CSN2: variants seen among roughly 807,000 people sequenced by gnomAD.
CSN2 encodes the protein beta-casein.
Under a neutral mutation model 27.3 loss-of-function variants are expected in CSN2, and 27 were observed. That is an observed-to-expected ratio of 0.99 (90% CI 0.73 to 1.36). The LOEUF (loss-of-function observed/expected upper bound fraction) is 1.36, where lower values mean the gene tolerates loss of function less well. CSN2 is among the 40% of genes most tolerant of loss of function. The probability of loss-of-function intolerance (pLI) is 0.00; values close to 1 mark genes in which losing one functional copy is unlikely to be tolerated. For synonymous variants in CSN2, 131 were observed against 94.8 expected (o/e 1.38, Z -2.22); for missense variants, 333 against 264.5 (o/e 1.26, Z -1.80).
At chr4:69,957,829 T>C in intron 5 of CSN2, 25 bp from the exon 6 acceptor site, 1 of 1,590,698 alleles carries the variant, frequency 6.3e-7, no homozygotes, top group Non-Finnish European at 8.6e-7. Context: ...AAAGAATCTT[T>C]GAGTCCTTGA....
chr4:69,963,579 G>A (rs1365531362), intron 1 of CSN2, among the ~76,000 whole-genome samples: 1 of 151,750 alleles, frequency 6.6e-6, no homozygotes, highest in East Asian at 1.9e-4. Context: ...ACACACCGGG[G>A]CTGTTGTGGG....
chr4:69,956,029 G>A (rs887744107), intron 7 of CSN2, among the ~76,000 whole-genome samples: 4 of 152,010 alleles, frequency 2.6e-5, no homozygotes, highest in African/African-American at 9.7e-5. Context: ...TATATATTCT[G>A]TCTTTCCTAA....
intron 1 of CSN2, among the ~76,000 whole-genome samples, chr4:69,963,031 A>G (rs1723659294): frequency 6.6e-6 from 1 of 152,148 alleles, no homozygotes; most frequent in Non-Finnish European, 1.5e-5. Context: ...CAAAACCACA[A>G]TGAGATACCA....
At chr4:69,958,779 A>T in intron 5 of CSN2, 130 bp downstream of exon 5, 1 of 565,476 alleles carries the variant, frequency 1.8e-6, no homozygotes, top group Non-Finnish European at 3.0e-6. Context: ...TTTAATTTTT[A>T]AAGTGGTTGG....
In CSN2 at chr4:69,957,696, C is replaced by G. The variant is rs781592610; in HGVS notation, c.253G>C (p.Ala85Pro). The G allele has an allele frequency of 4.3e-6, 7 of 1,613,766 alleles. No individual in the cohort carries two copies. In the African/African-American group the frequency reaches 9.4e-5, roughly 22 times the overall value. Residue 85 changes from alanine to proline, a missense_variant, in exon 6 of 8, where the codon GCT (alanine) becomes CCT (proline). Coordinates refer to ENST00000353151, the MANE Select transcript of CSN2 (RefSeq NM_001891.4). Reference sequence around the variant, plus strand: ...ACAGGCAGCACCACAGCAGGCTGAGCAAGAGGCAGAATGTTTTGTGGAAGA... The same window carrying G: ...ACAGGCAGCACCACAGCAGGCTGAGGAAGAGGCAGAATGTTTTGTGGAAGA... ...GFLPQNILPL[A>P]QPAVVLPVPQ...
chr4:69,960,848 T>C, intron 2 of CSN2, 97 bp downstream of exon 2: 1 of 956,242 alleles, frequency 1.0e-6, no homozygotes, highest in East Asian at 2.5e-5. Context: ...TTCTTCATTA[T>C]TTATACAGTA....
chr4:69,963,548 G>A (rs185507695), intron 1 of CSN2, among the ~76,000 whole-genome samples: 4 of 151,892 alleles, frequency 2.6e-5, no homozygotes, highest in East Asian at 1.9e-4. Flanking sequence ...GGGAACACAC[G>A]GACACAGGAA....
intron 5 of CSN2, among the ~76,000 whole-genome samples, chr4:69,958,640 C>G (rs1457160291): frequency 6.6e-6 from 1 of 152,092 alleles, no homozygotes; most frequent in South Asian, 2.1e-4. Flanking sequence ...AATGTTCCCA[C>G]CAATGTGTAC....
At chr4:69,958,323 T>C (rs1376860709) in intron 5 of CSN2, among the ~76,000 whole-genome samples, 1 of 152,168 alleles carries the variant, frequency 6.6e-6, no homozygotes, top group Non-Finnish European at 1.5e-5. Flanking sequence ...ATTCTTACAT[T>C]CCTTCCCTTG....
Position 69,957,493 on chromosome 4 carries a change from C to T in CSN2, c.456G>A (p.Gln152=), listed in dbSNP as rs757920475. 2 of 1,613,826 alleles carry T rather than the reference C, an allele frequency of 1.2e-6. No homozygotes were observed. The highest frequency in any genetic ancestry group is 1.7e-5 in the Admixed American group (1 of 59,912). Residue 152 remains glutamine, a synonymous_variant, in exon 6 of 8, where the codon CAG becomes CAA. Coordinates refer to ENST00000353151, the MANE Select transcript of CSN2 (RefSeq NM_001891.4). ...PLPLLQPLMQ[Q]VPQPIPQTLA... ...GAGTCTGAGGAATAGGCTGAGGGACCTGCTGCATCAAGGGCTGGAGCAGAG... is the reference window on the plus strand; with the variant it reads ...GAGTCTGAGGAATAGGCTGAGGGACTTGCTGCATCAAGGGCTGGAGCAGAG...
At chr4:69,964,769 T>C (rs1191183234) in intron 1 of CSN2, among the ~76,000 whole-genome samples, 4 of 149,646 alleles carry the variant, frequency 2.7e-5, no homozygotes, top group African/African-American at 7.3e-5. Context: ...CTAATATATA[T>C]AATAATTTTA....
chr4:69,958,849 T>A, intron 5 of CSN2, 60 bp downstream of exon 5: 1 of 1,045,080 alleles, frequency 9.6e-7, no homozygotes, highest in Non-Finnish European at 1.4e-6. Context: ...ATTATAAATA[T>A]TTTTGTATGT....
chr4:69,959,876 G>A (rs1048032743), intron 3 of CSN2, among the ~76,000 whole-genome samples, 177 bp downstream of exon 3: 2 of 151,572 alleles, frequency 1.3e-5, no homozygotes, highest in African/African-American at 4.8e-5. Flanking sequence ...AATTTACAAA[G>A]TTCTAGAATG....
At chr4:69,959,143 A>G (rs935421698) in intron 3 of CSN2, 74 bp from the exon 4 acceptor site, 1 of 1,077,960 alleles carries the variant, frequency 9.3e-7, no homozygotes, top group Non-Finnish European at 1.3e-6. Context: ...CAGGAAATAA[A>G]GGCATTAATT....
chr4:69,956,392 CT>C, intron 6 of CSN2, 37 bp from the exon 7 acceptor site: 2 of 1,330,004 alleles, frequency 1.5e-6, no homozygotes, highest in Non-Finnish European at 2.0e-6. Flanking sequence ...TAAATAACCT[CT>C]TAGTAAGAAA....
intron 2 of CSN2, 73 bp downstream of exon 2, chr4:69,960,872 A>C: frequency 8.7e-7 from 1 of 1,151,488 alleles, no homozygotes; most frequent in South Asian, 1.3e-5. Flanking sequence ...AATGTTGGTG[A>C]TGTTATTCTC....
chr4:69,962,662 G>A (rs1723637091), intron 1 of CSN2, among the ~76,000 whole-genome samples: 1 of 152,132 alleles, frequency 6.6e-6, no homozygotes. Flanking sequence ...TACCATTCAG[G>A]ACATAGGCAT....
In CSN2 at chr4:69,960,983, T is replaced by G. The variant is rs1285716532; in HGVS notation, c.13A>C (p.Ile5Leu). Reference protein sequence around the residue: MKVLILACLVALALA... With the variant: MKVLLLACLVALALA... ...GCAAGAGCCACCAGGCAGGCGAGGA[T>G]GAGGACCTTCATGGCTACTAAGTCC... is the stretch of plus-strand genomic sequence containing the variant. The change falls in exon 2 of 8, where the codon ATC (isoleucine) becomes CTC (leucine). Residue 5 changes from isoleucine to leucine, a missense_variant. Transcript: ENST00000353151. 1 of 1,612,926 alleles carries G rather than the reference T, an allele frequency of 6.2e-7. No individual in the cohort carries two copies. Among genetic ancestry groups the G allele is most frequent in the Non-Finnish European group, 8.5e-7 (1 of 1,179,258 alleles).
At chr4:69,962,201 A>G (rs1723617184) in intron 1 of CSN2, among the ~76,000 whole-genome samples, 2 of 152,188 alleles carry the variant, frequency 1.3e-5, no homozygotes, top group African/African-American at 4.8e-5. Context: ...TTAAGCTACC[A>G]ATGACTTTCT....
Sources: allele counts gnomAD v4.1 joint callset (sites outside exome capture counted in the v4.1 genomes callset), GRCh38; gene constraint gnomAD v4.1.1; transcripts MANE v1.5; gene names NCBI Gene and HGNC (gene_info 2026-07-23, HGNC 2026-07-21).